Variants in CAPN7 observed in about 807,000 individuals in gnomAD.
The protein encoded by CAPN7 is calpain 7, also known as calpain-7.
CAPN7 carries 72 observed loss-of-function variants against 115.2 expected under a neutral mutation model. That is an observed-to-expected ratio of 0.63 (90% CI 0.52 to 0.76). The LOEUF (loss-of-function observed/expected upper bound fraction) is 0.76. CAPN7 is among the 30% of genes least tolerant of loss of function. The pLI, the probability that CAPN7 is intolerant of heterozygous loss-of-function variation, is 0.00. For missense variants in CAPN7, 905 were observed against 971.5 expected (o/e 0.93, Z 0.91); for synonymous variants, 344 against 322.3 (o/e 1.07, Z -0.72).
In CAPN7 at chr3:15,251,523, G is replaced by T. The variant is rs994441660; in HGVS notation, c.*263G>T. The T allele has an allele frequency of 3.6e-6, 1 of 275,344 alleles. No homozygotes were observed. The highest frequency in any genetic ancestry group is 6.7e-6 in the Non-Finnish European group (1 of 148,324). The allele number at this position is 275,344 out of a possible 1,614,324, so 17.1% of individuals were successfully genotyped here. On this transcript the variant is annotated 3_prime_UTR_variant, in exon 21 of 21. Coordinates refer to ENST00000253693, the MANE Select transcript of CAPN7 (RefSeq NM_014296.3). The stretch of plus-strand genomic sequence containing the variant: ...TTTTAGGGGCCATTTTGTATAAAAA[G>T]TGCATATGATTAAAATTAGACTCAG...
chr3:15,242,661 C>G (rs7632200), intron 16 of CAPN7, among the ~76,000 whole-genome samples: 62,672 of 152,026 alleles, frequency 0.41, 17,076 homozygotes, highest in African/African-American at 0.77. Context: ...TCACAGTTGA[C>G]ATAGTTGCTA....
chr3:15,239,091 G>A (rs562036806), intron 12 of CAPN7, among the ~76,000 whole-genome samples: 34 of 152,056 alleles, frequency 2.2e-4, no homozygotes, highest in Non-Finnish European at 4.0e-4. Context: ...GTTAAATGTC[G>A]GTTGACTTAT....
chr3:15,228,909 G>T, intron 7 of CAPN7, 65 bp from the exon 8 acceptor site: 1 of 1,181,860 alleles, frequency 8.5e-7, no homozygotes, highest in Non-Finnish European at 1.3e-6. Context: ...GGCAATGTAC[G>T]TATATTGCGG....
At chr3:15,243,752 CAAA>C (rs1439012830) in intron 16 of CAPN7, among the ~76,000 whole-genome samples, 1 of 138,046 alleles carries the variant, frequency 7.2e-6, no homozygotes, top group African/African-American at 2.7e-5. Flanking sequence ...CTTACGAACA[CAAA>C]GAAGGAAACA....
At chr3:15,224,440 T>C (rs1286790754) in intron 6 of CAPN7, among the ~76,000 whole-genome samples, 1 of 151,970 alleles carries the variant, frequency 6.6e-6, no homozygotes, top group East Asian at 1.9e-4. Context: ...GCCCAGCTAA[T>C]TTTTGTATTT....
intron 5 of CAPN7, among the ~76,000 whole-genome samples, chr3:15,223,009 CTTTAA>C (rs1363604071): frequency 6.6e-6 from 1 of 152,206 alleles, no homozygotes; most frequent in Admixed American, 6.5e-5. Context: ...AACCTTATTT[CTTTAA>C]TTTGTCAGTA....
intron 17 of CAPN7, chr3:15,246,321 G>C (rs1454107500): frequency 1.2e-5 from 2 of 162,046 alleles, no homozygotes; most frequent in Non-Finnish European, 2.7e-5. Context: ...TTTGAACTTA[G>C]TGAAAGAGAA....
chr3:15,223,579 CA>C lies in CAPN7; in HGVS notation c.725+20del. The C allele has an allele frequency of 7.2e-7, 1 of 1,387,454 alleles. No homozygotes were observed. Among genetic ancestry groups the C allele is most frequent in the South Asian group, 1.2e-5 (1 of 80,608 alleles). The allele number at this position is 1,387,454 out of a possible 1,614,324, so 85.9% of individuals were successfully genotyped here. A position where few individuals can be genotyped will look rare whatever the true frequency, so the allele number is the denominator to read the frequency against. On this transcript the variant is annotated intron_variant, in intron 6 of 20. Coordinates refer to ENST00000253693, the MANE Select transcript of CAPN7 (RefSeq NM_014296.3). The stretch of plus-strand genomic sequence containing the variant: ...CCTTTCTGGTAAGTAAGCACTGTTG[CA>C]ATTTTTAACTCCAATATTTTAACTT...
At chr3:15,233,513 A>G (rs1197032335) in intron 10 of CAPN7, among the ~76,000 whole-genome samples, 1 of 152,224 alleles carries the variant, frequency 6.6e-6, no homozygotes, top group Non-Finnish European at 1.5e-5. Flanking sequence ...TAGAGAGAGA[A>G]AGAATGGGAA....
intron 1 of CAPN7, among the ~76,000 whole-genome samples, chr3:15,207,097 C>T (rs1218378622): frequency 6.6e-6 from 1 of 152,130 alleles, no homozygotes; most frequent in Non-Finnish European, 1.5e-5. Flanking sequence ...TGTTGTTGTG[C>T]GAACACCGTA....
chr3:15,247,347 TC>T lies in CAPN7; in HGVS notation c.2095del (p.Gln699ArgfsTer23). 6.3e-7 allele frequency: 1 copy of T among 1,594,280 alleles called. No individual in the cohort carries two copies. Among genetic ancestry groups the T allele is most frequent in the Non-Finnish European group, 8.5e-7 (1 of 1,171,682 alleles). ...SKRINGKWSG[Q>X]SAGGCGNFQE... ...ATTAGATTAATGGAAAGTGGAGTGGTCAGAGTGCTGGAGGATGTGGAAATTT... is the reference window on the plus strand; with the variant it reads ...ATTAGATTAATGGAAAGTGGAGTGGTAGAGTGCTGGAGGATGTGGAAATTT... On this transcript the variant is annotated frameshift_variant, in exon 19 of 21. Transcript: ENST00000253693. LOFTEE classifies it high-confidence loss of function.
intron 4 of CAPN7, among the ~76,000 whole-genome samples, chr3:15,219,465 C>T (rs1693834048): frequency 6.6e-6 from 1 of 152,148 alleles, no homozygotes; most frequent in African/African-American, 2.4e-5. Flanking sequence ...TTTGTTTCCT[C>T]AGATTCACAA....
intron 1 of CAPN7, chr3:15,210,690 G>A (rs745424690): frequency 2.6e-6 from 2 of 766,824 alleles, no homozygotes; most frequent in East Asian, 6.7e-5. Context: ...CACCTCCCAG[G>A]GCTCAGGTGA....
At chr3:15,233,048 C>T (rs1694784292) in intron 10 of CAPN7, among the ~76,000 whole-genome samples, 4 of 152,096 alleles carry the variant, frequency 2.6e-5, no homozygotes. Flanking sequence ...TTCCAGTGAC[C>T]TTTTGTTGCA....
intron 16 of CAPN7, among the ~76,000 whole-genome samples, chr3:15,242,803 C>A (rs986400089): frequency 2.0e-5 from 3 of 152,188 alleles, no homozygotes; most frequent in Non-Finnish European, 2.9e-5. Context: ...AAATACCATT[C>A]CTTCCACTGG....
At chr3:15,225,580 G>A (rs1037649946) in intron 6 of CAPN7, among the ~76,000 whole-genome samples, 7 of 152,156 alleles carry the variant, frequency 4.6e-5, no homozygotes, top group African/African-American at 9.7e-5. Context: ...AAAATACGTA[G>A]CCATGCAGAC....
intron 1 of CAPN7, 118 bp downstream of exon 1, chr3:15,206,715 G>A: frequency 1.4e-6 from 1 of 718,818 alleles, no homozygotes; most frequent in Non-Finnish European, 2.2e-6. Flanking sequence ...CTTTTCCCTC[G>A]TCCGCCTCCC....
chr3:15,232,435 A>G, intron 9 of CAPN7, 84 bp from the exon 10 acceptor site: 1 of 1,083,496 alleles, frequency 9.2e-7, no homozygotes, highest in Non-Finnish European at 1.3e-6. Flanking sequence ...TTTTATCAGT[A>G]TGAAAGGTAT....
chr3:15,215,946 C>T (rs981219300), intron 2 of CAPN7, among the ~76,000 whole-genome samples: 4 of 152,044 alleles, frequency 2.6e-5, no homozygotes, highest in East Asian at 1.9e-4. Context: ...ATTAGCCAAG[C>T]GTGATGGTGC....
Sources: allele counts gnomAD v4.1 joint callset (sites outside exome capture counted in the v4.1 genomes callset), GRCh38; gene constraint gnomAD v4.1.1; transcripts MANE v1.5; gene names NCBI Gene and HGNC (gene_info 2026-07-23, HGNC 2026-07-21).